LANCL3: variants seen among roughly 807,000 people sequenced by gnomAD.
LANCL3 encodes the protein LanC like family member 3, also known as lanC-like protein 3.
LANCL3 carries 19 observed loss-of-function variants against 26.5 expected under a neutral mutation model. The observed-to-expected ratio is 0.72, with a 90% CI of 0.50 to 1.05. The LOEUF (loss-of-function observed/expected upper bound fraction) is 1.05, where lower values mean the gene tolerates loss of function less well. LANCL3 is among the 50% of genes least tolerant of loss of function. LANCL3 has a pLI of 0.00. For missense variants in LANCL3, 318 were observed against 362.7 expected (o/e 0.88, Z 1.00); for synonymous variants, 160 against 166.6 (o/e 0.96, Z 0.30).
intron 1 of LANCL3, among the ~76,000 whole-genome samples, chrX:37,574,637 A>G (rs1328584308): frequency 8.9e-6 from 1 of 111,818 alleles, no homozygotes; most frequent in Non-Finnish European, 1.9e-5. Context: ...AACATACTGC[A>G]GTGGCTCCCT....
intron 1 of LANCL3, among the ~76,000 whole-genome samples, chrX:37,626,539 TTC>T (rs1269205343): frequency 8.9e-6 from 1 of 112,026 alleles, no homozygotes; most frequent in Admixed American, 9.5e-5. Context: ...TGGAATTTTT[TTC>T]TTTTTTTGGC....
intron 1 of LANCL3, among the ~76,000 whole-genome samples, chrX:37,650,423 A>G (rs1926108201): frequency 3.0e-5 from 3 of 98,496 alleles, no homozygotes; most frequent in African/African-American, 1.1e-4. Flanking sequence ...AGGATCTAGT[A>G]TGGTAGGTAG....
At chrX:37,597,230 G>T (rs1302073782) in intron 1 of LANCL3, among the ~76,000 whole-genome samples, 1 of 111,787 alleles carries the variant, frequency 8.9e-6, no homozygotes, top group African/African-American at 3.3e-5. Flanking sequence ...TTACCCATTT[G>T]TCAGTTAATG....
intron 1 of LANCL3, among the ~76,000 whole-genome samples, chrX:37,603,722 A>G (rs1166649581): frequency 1.8e-5 from 2 of 112,083 alleles, no homozygotes; most frequent in African/African-American, 6.5e-5. Context: ...AATATCTTGA[A>G]CTTTTCTTTT....
intron 1 of LANCL3, among the ~76,000 whole-genome samples, chrX:37,598,874 C>A (rs1924507782): frequency 8.9e-6 from 1 of 111,978 alleles, no homozygotes; most frequent in Non-Finnish European, 1.9e-5. Flanking sequence ...GTAGTTGACA[C>A]CTAGTTTGAA....
chrX:37,581,738 TC>T (rs1363342152), intron 1 of LANCL3, among the ~76,000 whole-genome samples: 1 of 112,368 alleles, frequency 8.9e-6, no homozygotes, highest in Non-Finnish European at 1.9e-5. Flanking sequence ...TGTCTTTTCA[TC>T]TGTTAATATA....
chrX:37,611,537 G>C (rs1464901253), intron 1 of LANCL3, among the ~76,000 whole-genome samples: 1 of 111,929 alleles, frequency 8.9e-6, no homozygotes, highest in Non-Finnish European at 1.9e-5. Flanking sequence ...TCCCTGAATG[G>C]CTAGGGTCAA....
chrX:37,648,120 CTG>C (rs1328808267), intron 1 of LANCL3, among the ~76,000 whole-genome samples: 3 of 112,367 alleles, frequency 2.7e-5, no homozygotes, highest in Middle Eastern at 4.2e-3. Flanking sequence ...CGTTAGAAAA[CTG>C]TGAACAATAT....
At chrX:37,614,601 A>G (rs1412466017) in intron 1 of LANCL3, among the ~76,000 whole-genome samples, 2 of 111,935 alleles carry the variant, frequency 1.8e-5, no homozygotes, top group African/African-American at 3.2e-5. Context: ...TTCTTCTACC[A>G]TGGTTGTCAC....
chrX:37,573,508 C>A (rs1342846365), intron 1 of LANCL3, among the ~76,000 whole-genome samples: 10 of 111,011 alleles, frequency 9.0e-5, no homozygotes, highest in Non-Finnish European at 1.9e-4. Flanking sequence ...GAGGTTGATT[C>A]AAGTGAGAAA....
Position 37,572,232 on chromosome X carries a change from T to A in LANCL3, c.362T>A (p.Leu121Gln). 8.7e-7 allele frequency: 1 copy of A among 1,149,397 alleles called. No homozygotes were observed. Among genetic ancestry groups the A allele is most frequent in the Non-Finnish European group, 1.2e-6 (1 of 867,193 alleles). The allele number at this position is 1,149,397 out of a possible 1,213,427, so 94.7% of individuals were successfully genotyped here. A position where few individuals can be genotyped will look rare whatever the true frequency, so the allele number is the denominator to read the frequency against. The change falls in exon 1 of 5, where the codon CTG becomes CAG. Residue 121 changes from leucine to glutamine, a missense_variant. Coordinates refer to ENST00000378619, the MANE Select transcript of LANCL3 (RefSeq NM_001170331.2). ...EPDADTRAAF[L>Q]LGGAGVYAVA... Reference sequence around the variant, plus strand: ...GACGCCGACACCCGCGCCGCCTTCCTGCTCGGGGGCGCGGGCGTGTACGCC... The same window carrying A: ...GACGCCGACACCCGCGCCGCCTTCCAGCTCGGGGGCGCGGGCGTGTACGCC...
At chrX:37,627,904 C>T (rs368274163) in intron 1 of LANCL3, among the ~76,000 whole-genome samples, 2 of 111,695 alleles carry the variant, frequency 1.8e-5, no homozygotes, top group Admixed American at 1.9e-4. Context: ...CCTCTTGCAC[C>T]TACCAATCTA....
At chrX:37,579,297 A>G (rs868972354) in intron 1 of LANCL3, among the ~76,000 whole-genome samples, 15 of 111,463 alleles carry the variant, frequency 1.3e-4, no homozygotes, top group Non-Finnish European at 2.4e-4. Context: ...AATAATATAC[A>G]TGCATATACA....
intron 1 of LANCL3, among the ~76,000 whole-genome samples, chrX:37,622,145 G>T (rs192357910): frequency 3.6e-5 from 4 of 111,680 alleles, no homozygotes; most frequent in African/African-American, 1.3e-4. Flanking sequence ...TGGTAAAAAG[G>T]TGTCAGAATT....
At chrX:37,628,990 A>G (rs140889912) in intron 1 of LANCL3, among the ~76,000 whole-genome samples, 7,054 of 108,483 alleles carry the variant, frequency 0.065, 619 homozygotes, top group African/African-American at 0.23. Context: ...GTCAAATGGT[A>G]TTTCTAGTTC....
At chrX:37,649,038 T>G (rs1444607704) in intron 1 of LANCL3, among the ~76,000 whole-genome samples, 1 of 111,492 alleles carries the variant, frequency 9.0e-6, no homozygotes, top group Non-Finnish European at 1.9e-5. Flanking sequence ...TTGTGTAAGA[T>G]AGTATGGTGA....
chrX:37,633,320 A>G (rs1356149981), intron 1 of LANCL3, among the ~76,000 whole-genome samples: 1 of 111,249 alleles, frequency 9.0e-6, no homozygotes, highest in Non-Finnish European at 1.9e-5. Flanking sequence ...TATTCTAGTT[A>G]TACATTCGTC....
chrX:37,577,251 A>G (rs113002880), intron 1 of LANCL3, among the ~76,000 whole-genome samples: 2,018 of 112,665 alleles, frequency 0.018, 64 homozygotes, highest in African/African-American at 0.062. Flanking sequence ...TCTTAGAATA[A>G]TATTTTTAAA....
chrX:37,675,492 ATCT>A (rs1926775051), intron 4 of LANCL3, among the ~76,000 whole-genome samples, 159 bp from the exon 5 acceptor site: 2 of 112,336 alleles, frequency 1.8e-5, no homozygotes, highest in South Asian at 3.6e-4. Context: ...TATATAATGG[ATCT>A]TCTTCTTTAA....
Sources: gnomAD v4.1 joint callset for allele counts (sites outside exome capture counted in the v4.1 genomes callset) on GRCh38, gnomAD v4.1.1 for gene constraint, MANE v1.5 for transcripts, NCBI Gene and HGNC (gene_info 2026-07-23, HGNC 2026-07-21) for gene names.